Variants in MYH7B observed in about 807,000 individuals in gnomAD.
The protein encoded by MYH7B is myosin-7B.
Under a neutral mutation model 234.5 loss-of-function variants are expected in MYH7B, and 205 were observed. That is an observed-to-expected ratio of 0.87 (90% CI 0.78 to 0.98). MYH7B has a LOEUF of 0.98. Among genes scored for constraint, MYH7B ranks in the 50% least tolerant of loss-of-function variants. The pLI is 0.00. For missense variants in MYH7B, 2,652 were observed against 2,633.4 expected (o/e 1.01, Z -0.15); for synonymous variants, 1,193 against 1,105.0 (o/e 1.08, Z -1.58).
chr20:34,986,104 C>A (rs763246752), exon 14 of MYH7B: 2 of 1,581,178 alleles, frequency 1.3e-6, no homozygotes, highest in Admixed American at 3.6e-5. Flanking sequence ...CCCCAGATCT[C>A]CTGGAGAAGT....
At chr20:34,980,601 C>T (rs2081926651) in exon 8 of MYH7B, 1 of 1,614,020 alleles carries the variant, frequency 6.2e-7, no homozygotes, top group Non-Finnish European at 8.5e-7. Context: ...TCTTCTGTGT[C>T]ACCATCAACC....
At chr20:34,985,023 G>A in intron 12 of MYH7B, 43 bp from the exon 13 acceptor site, 1 of 1,612,154 alleles carries the variant, frequency 6.2e-7, no homozygotes, top group Non-Finnish European at 8.5e-7. Flanking sequence ...TGGGGACAGT[G>A]CTGGCTGTGC....
chr20:34,962,468 CCATGGATACCAA>C (rs1331269696), intron 2 of MYH7B, among the ~76,000 whole-genome samples: 4 of 152,042 alleles, frequency 2.6e-5, no homozygotes, highest in Admixed American at 1.3e-4. Flanking sequence ...CCAGGACCTC[CCATGGATACCAA>C]CATCCAAGGA....
Position 34,997,573 on chromosome 20 carries a change from AG to A in MYH7B, c.3681del (p.Lys1228ArgfsTer18), listed in dbSNP as rs768265367. ...CGGGTGCGGCAGAAGCTGGAGAAGG[AG>A]AAGAGTGAGCTGCGCATGGAGGTGG... On this transcript the variant is annotated frameshift_variant, in exon 32 of 45. Transcript: ENST00000262873. LOFTEE classifies it high-confidence loss of function. 1 of 1,613,328 alleles carries A rather than the reference AG, an allele frequency of 6.2e-7. No individual in the cohort carries two copies.
At chr20:34,991,422 AC>A (rs1365466441) in intron 24 of MYH7B, among the ~76,000 whole-genome samples, 4 of 152,200 alleles carry the variant, frequency 2.6e-5, no homozygotes, top group Non-Finnish European at 2.9e-5. Flanking sequence ...GGAGTGAGCA[AC>A]CTGGGAGCTA....
At chr20:34,991,168 G>A (rs757722766) in intron 24 of MYH7B, 47 bp downstream of exon 24, 1 of 1,395,880 alleles carries the variant, frequency 7.2e-7, no homozygotes, top group Non-Finnish European at 1.0e-6. Context: ...GGAGGCCTGA[G>A]GGGCTGGGCA....
exon 39 of MYH7B, chr20:35,000,494 G>A (rs1338943691): frequency 1.3e-6 from 2 of 1,599,752 alleles, no homozygotes; most frequent in Non-Finnish European, 1.7e-6. Flanking sequence ...AGGAGGAGCA[G>A]GCAGGGCGGG....
chr20:34,999,764 C>A (rs547607853), intron 37 of MYH7B, 27 bp from the exon 38 acceptor site: 19 of 1,182,400 alleles, frequency 1.6e-5, no homozygotes, highest in African/African-American at 8.3e-5. Context: ...CCCCCCCCAC[C>A]CTACCCTGCC....
rs1430481362 is a variant in MYH7B, at chr20:34,984,960, G to A, written c.741+14G>A. The stretch of plus-strand genomic sequence containing the variant: ...TCCTCCCGCTTTGTGAGTGGCTGAG[G>A]TGGGAGGGGTGGCGGGGATGCCGTA... On this transcript the variant is annotated intron_variant, in intron 12 of 44. Coordinates refer to ENST00000262873, the Ensembl canonical transcript of MYH7B. 1 of 1,612,276 alleles carries A rather than the reference G, an allele frequency of 6.2e-7. No individual in the cohort carries two copies. The highest frequency in any genetic ancestry group is 1.1e-5 in the South Asian group (1 of 91,068).
At chr20:34,991,205 C>A in intron 24 of MYH7B, 84 bp downstream of exon 24, 1 of 955,252 alleles carries the variant, frequency 1.0e-6, no homozygotes, top group Non-Finnish European at 1.6e-6. Context: ...GCCCAACAGA[C>A]GGTCCCCTGT....
chr20:34,957,836 C>T (rs1395430539), intron 1 of MYH7B, among the ~76,000 whole-genome samples: 1 of 152,196 alleles, frequency 6.6e-6, no homozygotes, highest in Non-Finnish European at 1.5e-5. Context: ...GACTACAGGA[C>T]AGGCTGAGTC....
chr20:34,969,112 A>G (rs919223709), intron 2 of MYH7B, among the ~76,000 whole-genome samples: 4 of 152,078 alleles, frequency 2.6e-5, no homozygotes, highest in African/African-American at 7.2e-5. Flanking sequence ...GGTTTTGCAT[A>G]GACACATCTT....
In MYH7B at chr20:35,002,107, G is replaced by GCTCT. The variant is rs768853823; in HGVS notation, c.5814+25_5814+28dup. The GCTCT allele has an allele frequency of 1.9e-6, 3 of 1,612,052 alleles. No individual in the cohort carries two copies. In the South Asian group the frequency reaches 3.3e-5, roughly 18 times the overall value. ...CAAGGTGAGGAGTGGCAGGGGCATT[G>GCTCT]CTCTCTGTGCAGGGGGACTGTGGGG... On this transcript the variant is annotated intron_variant, in intron 44 of 44. Transcript: ENST00000262873.
chr20:34,968,778 A>G (rs1036363180), intron 2 of MYH7B, among the ~76,000 whole-genome samples: 2 of 152,070 alleles, frequency 1.3e-5, no homozygotes, highest in African/African-American at 4.8e-5. Context: ...AGGCCCTTAC[A>G]CTGCGGCAGC....
intron 5 of MYH7B, 68 bp downstream of exon 5, chr20:34,978,164 G>T: frequency 6.3e-7 from 1 of 1,583,136 alleles, no homozygotes; most frequent in South Asian, 1.1e-5. Context: ...ACCAGGAATT[G>T]GGAGGGGTGG....
chr20:34,960,402 A>AT (rs1392121763), intron 2 of MYH7B, among the ~76,000 whole-genome samples: 1 of 151,610 alleles, frequency 6.6e-6, no homozygotes, highest in African/African-American at 2.4e-5. Context: ...CGCCCGCCTA[A>AT]TTTTTTCTAT....
chr20:34,983,010 G>A (rs1423616743), intron 10 of MYH7B, among the ~76,000 whole-genome samples: 1 of 152,182 alleles, frequency 6.6e-6, no homozygotes, highest in Non-Finnish European at 1.5e-5. Flanking sequence ...TGTGCCTTGT[G>A]ATTTCTGTAC....
chr20:34,997,578 A>G (rs780396629), exon 32 of MYH7B: 1 of 1,613,394 alleles, frequency 6.2e-7, no homozygotes, highest in Non-Finnish European at 8.5e-7. Flanking sequence ...GAAGGAGAAG[A>G]GTGAGCTGCG....
intron 19 of MYH7B, 81 bp downstream of exon 19, chr20:34,988,343 T>A: frequency 6.8e-7 from 1 of 1,473,950 alleles, no homozygotes; most frequent in Non-Finnish European, 9.2e-7. Context: ...ATGGCTTGCA[T>A]GGAAGCCTGC....
Sources: gnomAD v4.1 joint callset for allele counts (sites outside exome capture counted in the v4.1 genomes callset) on GRCh38, gnomAD v4.1.1 for gene constraint, MANE v1.5 for transcripts, NCBI Gene and HGNC (gene_info 2026-07-23, HGNC 2026-07-21) for gene names.